The following TEX11 variants were observed in gnomAD, a reference collection of about 807,000 sequenced individuals.
TEX11 encodes the protein testis-expressed protein 11.
Under a neutral mutation model 84.4 loss-of-function variants are expected in TEX11, and 7 were observed. The observed-to-expected ratio is 0.08, with a 90% CI of 0.05 to 0.16. TEX11 has a LOEUF of 0.16. TEX11 is among the 10% of genes least tolerant of loss of function. The probability of loss-of-function intolerance (pLI) is 1.00; values close to 1 mark genes in which losing one functional copy is unlikely to be tolerated. For synonymous variants in TEX11, 264 were observed against 222.8 expected (o/e 1.18, Z -1.64); for missense variants, 551 against 660.5 (o/e 0.83, Z 1.82).
rs140223516 is a variant in TEX11 at position 70,570,689 on chromosome X, C to A, written c.2141-15889G>T. Among the ~76,000 whole-genome samples, 951 of 111,623 alleles carry A rather than the reference C, an allele frequency of 8.5e-3. 6 individuals are homozygous for A. Among genetic ancestry groups the A allele is most frequent in the African/African-American group, 0.03 (911 of 30,730 alleles). On this transcript the variant is annotated intron_variant, in intron 25 of 29. Coordinates refer to ENST00000374333, the MANE Select transcript of TEX11 (RefSeq NM_031276.3). ...ATTTAAAATAGTCTAAATAGGACTACTCAGATTATTTTTGGGGGCACAATT... is the reference window on the plus strand; with the variant it reads ...ATTTAAAATAGTCTAAATAGGACTAATCAGATTATTTTTGGGGGCACAATT...
At chrX:70,866,854 G>A (rs2091602114) in intron 4 of TEX11, among the ~76,000 whole-genome samples, 1 of 111,639 alleles carries the variant, frequency 9.0e-6, no homozygotes, top group Non-Finnish European at 1.9e-5. Flanking sequence ...ACCATTTCAT[G>A]CTAAAAACTC....
intron 13 of TEX11, among the ~76,000 whole-genome samples, chrX:70,708,434 A>T (rs1395818461): frequency 8.9e-6 from 1 of 111,775 alleles, no homozygotes; most frequent in Non-Finnish European, 1.9e-5. Flanking sequence ...AGACCCAGCA[A>T]TCCCATTACT....
intron 5 of TEX11, among the ~76,000 whole-genome samples, chrX:70,858,383 A>C (rs1264676907): frequency 9.3e-6 from 1 of 107,211 alleles, no homozygotes; most frequent in Non-Finnish European, 1.9e-5. Flanking sequence ...CAGAGGTTGC[A>C]GTGAGCCAAG....
chrX:70,838,926 G>A (rs2091423077), intron 7 of TEX11, among the ~76,000 whole-genome samples: 1 of 112,239 alleles, frequency 8.9e-6, no homozygotes, highest in Admixed American at 9.4e-5. Flanking sequence ...AGGTGGCAGC[G>A]AGGCTCGGGG....
Position 70,678,874 on chromosome X carries a change from C to T in TEX11, c.1172G>A (p.Arg391Lys). The T allele has an allele frequency of 6.8e-6, 8 of 1,169,318 alleles. No homozygotes were observed. Among genetic ancestry groups the T allele is most frequent in the Non-Finnish European group, 9.1e-6 (8 of 878,282 alleles). ...GTTCATTGATTCTGCTGTCAGTTGT[C>T]TTCCTGTTTGGTGAGCTGAAAAAAA... ...EEIFLAHQTGRQLTAESMNWL... is the reference protein window; with the variant it reads ...EEIFLAHQTGKQLTAESMNWL... The change falls in exon 15 of 30, where the codon AGA becomes AAA. Residue 391 changes from arginine to lysine, a missense_variant. Coordinates refer to ENST00000374333, the MANE Select transcript of TEX11 (RefSeq NM_031276.3).
At chrX:70,674,148 A>G (rs1165007168) in intron 15 of TEX11, among the ~76,000 whole-genome samples, 2 of 111,483 alleles carry the variant, frequency 1.8e-5, no homozygotes, top group East Asian at 5.6e-4. Context: ...GAAAACATGC[A>G]TTATTTGGCT....
intron 2 of TEX11, among the ~76,000 whole-genome samples, chrX:70,886,281 T>C (rs1365212727): frequency 1.8e-5 from 2 of 111,976 alleles, no homozygotes; most frequent in Admixed American, 9.6e-5. Context: ...GGAAATTCCA[T>C]AATATGTGAC....
intron 9 of TEX11, among the ~76,000 whole-genome samples, chrX:70,759,838 A>G (rs1420250033): frequency 8.9e-6 from 1 of 111,801 alleles, no homozygotes; most frequent in Non-Finnish European, 1.9e-5. Context: ...CTGTTTGCAG[A>G]TGACATGATT....
intron 28 of TEX11, among the ~76,000 whole-genome samples, chrX:70,547,099 G>A (rs1394276691): frequency 9.8e-6 from 1 of 102,094 alleles, no homozygotes; most frequent in East Asian, 3.1e-4. Context: ...CCTCAAAAAC[G>A]TTATGCTCAA....
chrX:70,531,753 A>G (rs1268789262), intron 28 of TEX11, among the ~76,000 whole-genome samples: 2 of 111,786 alleles, frequency 1.8e-5, no homozygotes, highest in Admixed American at 9.6e-5. Flanking sequence ...AATCTTTTGA[A>G]TATACTATAA....
At chrX:70,750,423 G>A (rs1265905907) in intron 9 of TEX11, among the ~76,000 whole-genome samples, 1 of 111,500 alleles carries the variant, frequency 9.0e-6, no homozygotes, top group Non-Finnish European at 1.9e-5. Context: ...CCATTACTGG[G>A]TATATAGCCA....
intron 9 of TEX11, among the ~76,000 whole-genome samples, chrX:70,754,966 C>A (rs2090857271): frequency 8.9e-6 from 1 of 111,924 alleles, no homozygotes; most frequent in South Asian, 3.7e-4. Flanking sequence ...TCACAACACT[C>A]AAGTCCTTCT....
chrX:70,907,634 C>A (rs896215865), intron 2 of TEX11, 119 bp downstream of exon 2: 33 of 518,411 alleles, frequency 6.4e-5, no homozygotes, highest in Admixed American at 1.8e-4. Context: ...CCTCGTGATC[C>A]GCCCGCCTCG....
chrX:70,837,120 C>T (rs748663953), intron 7 of TEX11, among the ~76,000 whole-genome samples: 38 of 112,073 alleles, frequency 3.4e-4, no homozygotes, highest in Admixed American at 2.3e-3. Flanking sequence ...TAAATATACC[C>T]TTTATGTCCA....
At chrX:70,859,560 C>A (rs1260320044) in intron 5 of TEX11, among the ~76,000 whole-genome samples, 10 of 67,302 alleles carry the variant, frequency 1.5e-4, no homozygotes, top group African/African-American at 5.8e-4. Flanking sequence ...CCAGCCTGGG[C>A]AACAGAGTGA....
intron 5 of TEX11, among the ~76,000 whole-genome samples, chrX:70,854,991 T>C (rs1387630149): frequency 9.1e-6 from 1 of 110,212 alleles, no homozygotes; most frequent in African/African-American, 3.3e-5. Flanking sequence ...AAGGTTGCAG[T>C]GAGCCAAGAT....
chrX:70,577,805 G>A (rs1223876697), intron 25 of TEX11, among the ~76,000 whole-genome samples: 7 of 105,354 alleles, frequency 6.6e-5, no homozygotes, highest in Admixed American at 3.1e-4. Context: ...TCTGCTCACC[G>A]CAACCTCCGC....
chrX:70,799,271 C>T lies in TEX11; in HGVS notation c.692+7434G>A, dbSNP rs755245071. On this transcript the variant is annotated intron_variant, in intron 9 of 29. Transcript: ENST00000374333. ...CACATTAACTGAGGAAAAATGGGTG[C>T]CTTTTACAGATTTTTTAAGATTAGG... Among the ~76,000 whole-genome samples, 108 of 111,528 alleles carry T rather than the reference C, an allele frequency of 9.7e-4. 1 individual carries two copies. The highest frequency in any genetic ancestry group is 3.8e-4 in the Admixed American group (4 of 10,475).
At chrX:70,761,744 A>T (rs972779777) in intron 9 of TEX11, among the ~76,000 whole-genome samples, 1 of 112,191 alleles carries the variant, frequency 8.9e-6, no homozygotes, top group Non-Finnish European at 1.9e-5. Context: ...AAGAAAGTTT[A>T]TTCAAAGGGA....
Sources: gnomAD v4.1 joint callset for allele counts (sites outside exome capture counted in the v4.1 genomes callset) on GRCh38, gnomAD v4.1.1 for gene constraint, MANE v1.5 for transcripts, NCBI Gene and HGNC (gene_info 2026-07-23, HGNC 2026-07-21) for gene names.